The following TMEM131 variants were observed in gnomAD, a reference collection of about 807,000 sequenced individuals.
The protein encoded by TMEM131 is transmembrane protein 131.
Under a neutral mutation model 211.6 loss-of-function variants are expected in TMEM131, and 66 were observed. That is an observed-to-expected ratio of 0.31 (90% confidence interval 0.26 to 0.38). TMEM131 has a LOEUF of 0.38. TMEM131 is among the 10% of genes least tolerant of loss of function. The probability of loss-of-function intolerance (pLI) is 1.00; values close to 1 mark genes in which losing one functional copy is unlikely to be tolerated. For missense variants in TMEM131, 2,036 were observed against 2,299.3 expected, an observed-to-expected ratio of 0.89 and a Z score of 2.34; for synonymous variants, 844 against 841.3, an observed-to-expected ratio of 1.00 and a Z score of -0.06.
chr2:97,851,895 AAAGG>A (rs1385666568), intron 5 of TMEM131, among the ~76,000 whole-genome samples: 1 of 152,208 alleles, frequency 6.6e-6, no homozygotes, highest in Non-Finnish European at 1.5e-5. Context: ...TGTTGGAGTA[AAAGG>A]AAGGGTTGCA....
At chr2:97,869,723 G>A (rs961350569) in intron 4 of TMEM131, among the ~76,000 whole-genome samples, 4 of 152,130 alleles carry the variant, frequency 2.6e-5, no homozygotes, top group South Asian at 2.1e-4. Flanking sequence ...ACCATCCTCC[G>A]TTCCTTTGGT....
At chr2:97,845,810 T>C (rs1249695447) in intron 5 of TMEM131, among the ~76,000 whole-genome samples, 1 of 140,122 alleles carries the variant, frequency 7.1e-6, no homozygotes, top group Non-Finnish European at 1.6e-5. Flanking sequence ...AAAAAGTCCA[T>C]AAAATGGATA....
At chr2:97,808,866 T>C (rs1681427662) in intron 19 of TMEM131, among the ~76,000 whole-genome samples, 1 of 152,146 alleles carries the variant, frequency 6.6e-6, no homozygotes, top group South Asian at 2.1e-4. Context: ...TGGAATTGAA[T>C]CTTGAAAGAC....
intron 1 of TMEM131, among the ~76,000 whole-genome samples, chr2:97,946,601 C>A (rs1311802896): frequency 1.3e-5 from 2 of 151,844 alleles, no homozygotes; most frequent in African/African-American, 4.8e-5. Context: ...TAGTTAAAAT[C>A]TTCTCACAAA....
At chr2:97,963,295 ATGTCACCTCATTTC>A (rs57699585) in intron 1 of TMEM131, among the ~76,000 whole-genome samples, 3,168 of 152,326 alleles carry the variant, frequency 0.021, 125 homozygotes, top group African/African-American at 0.073. Flanking sequence ...AGGCACATAG[ATGTCACCTCATTTC>A]TGTCTTTTAT....
At chr2:97,866,670 G>GT (rs1447818471) in intron 4 of TMEM131, among the ~76,000 whole-genome samples, 1 of 151,988 alleles carries the variant, frequency 6.6e-6, no homozygotes, top group Non-Finnish European at 1.5e-5. Context: ...GCTGCATCCC[G>GT]TAAGTTTTGA....
rs1259918629 is a variant in TMEM131, at chr2:97,802,013, G to A, written c.2652-52C>T. On this transcript the variant is annotated intron_variant, in intron 24 of 40. Transcript: ENST00000186436. The stretch of plus-strand genomic sequence containing the variant: ...ATTCATAAGCAACATCACAGTTAAG[G>A]GAGTTATGGAGTGATTATCAGGTGT... The A allele has an allele frequency of 9.7e-6, 12 of 1,236,170 alleles. No individual in the cohort carries two copies. The East Asian group carries it at 2.4e-4, about 25-fold the overall frequency. 76.6% of individuals were successfully genotyped at this position (1,236,170 alleles called of 1,614,324 possible).
chr2:97,826,674 A>G (rs577064479), intron 11 of TMEM131, among the ~76,000 whole-genome samples: 1 of 152,308 alleles, frequency 6.6e-6, no homozygotes, highest in East Asian at 1.9e-4. Context: ...AAGAGAAAAA[A>G]AGAGAGACAA....
chr2:97,813,347 G>C (rs1205977205), intron 15 of TMEM131, among the ~76,000 whole-genome samples: 1 of 152,036 alleles, frequency 6.6e-6, no homozygotes, highest in Non-Finnish European at 1.5e-5. Flanking sequence ...CTATTTAAAG[G>C]GCTACATTTC....
chr2:97,937,356 T>C (rs1302023226), intron 1 of TMEM131, among the ~76,000 whole-genome samples: 1 of 152,042 alleles, frequency 6.6e-6, no homozygotes, highest in Non-Finnish European at 1.5e-5. Context: ...ATAGGTTGGT[T>C]AAGATTATCC....
intron 11 of TMEM131, among the ~76,000 whole-genome samples, chr2:97,821,228 C>CT (rs1227847391): frequency 6.6e-6 from 1 of 152,134 alleles, no homozygotes; most frequent in African/African-American, 2.4e-5. Flanking sequence ...AATCAGCACT[C>CT]TGTCTCTAAA....
At chr2:97,853,717 A>G (rs188391579) in intron 5 of TMEM131, among the ~76,000 whole-genome samples, 1 of 152,312 alleles carries the variant, frequency 6.6e-6, no homozygotes, top group East Asian at 1.9e-4. Context: ...CTTTGAAGGA[A>G]GGGTTCAAGA....
intron 1 of TMEM131, among the ~76,000 whole-genome samples, chr2:97,965,807 A>G (rs1039285185): frequency 6.6e-6 from 1 of 151,968 alleles, no homozygotes; most frequent in Non-Finnish European, 1.5e-5. Flanking sequence ...TAACTTCAAA[A>G]GCTATTTTCT....
intron 2 of TMEM131, among the ~76,000 whole-genome samples, chr2:97,917,162 T>C (rs968086942): frequency 5.3e-5 from 8 of 152,184 alleles, no homozygotes; most frequent in Non-Finnish European, 1.2e-4. Context: ...CTGCCAGCTT[T>C]TGCAAATAAA....
At chr2:97,844,737 G>T (rs1312916696) in intron 5 of TMEM131, among the ~76,000 whole-genome samples, 3 of 152,176 alleles carry the variant, frequency 2.0e-5, no homozygotes, top group Non-Finnish European at 4.4e-5. Context: ...AGGCAGGGGT[G>T]AATGTATGTG....
Position 97,968,681 on chromosome 2 carries a change from G to A in TMEM131, c.187+26795C>T, listed in dbSNP as rs528080041. Among the ~76,000 whole-genome samples the A allele has an allele frequency of 5.3e-5, 8 of 152,354 alleles. No individual in the cohort carries two copies. In the East Asian group the frequency reaches 1.5e-3, roughly 29 times the overall value. On this transcript the variant is annotated intron_variant, in intron 1 of 40. Transcript: ENST00000186436. Reference sequence around the variant, plus strand: ...AACATCTCCCACTCATCTGTGCGTAGTGAAGACGAGACCTGGCAAGTTTCC... The same window carrying A: ...AACATCTCCCACTCATCTGTGCGTAATGAAGACGAGACCTGGCAAGTTTCC...
At chr2:97,937,206 A>G (rs889675489) in intron 1 of TMEM131, among the ~76,000 whole-genome samples, 17 of 152,292 alleles carry the variant, frequency 1.1e-4, no homozygotes, top group African/African-American at 3.6e-4. Context: ...CCAAACAGAA[A>G]ATATCAATAA....
At chr2:97,872,828 G>A (rs779128242) in intron 4 of TMEM131, among the ~76,000 whole-genome samples, 8 of 152,186 alleles carry the variant, frequency 5.3e-5, no homozygotes, top group South Asian at 4.1e-4. Context: ...GGCAGTCACC[G>A]AACTAACTTC....
chr2:97,981,643 T>C (rs550561200), intron 1 of TMEM131, among the ~76,000 whole-genome samples: 1 of 152,184 alleles, frequency 6.6e-6, no homozygotes, highest in South Asian at 2.1e-4. Flanking sequence ...TAGTTTTCAG[T>C]GTATTCAGAG....
Sources: gnomAD v4.1 joint callset for allele counts (sites outside exome capture counted in the v4.1 genomes callset) on GRCh38, gnomAD v4.1.1 for gene constraint, MANE v1.5 for transcripts, NCBI Gene and HGNC (gene_info 2026-07-23, HGNC 2026-07-21) for gene names.